CNTN5: variants seen among roughly 807,000 people sequenced by gnomAD.
CNTN5 encodes contactin 5, also known as contactin-5.
Under a neutral mutation model 129.1 loss-of-function variants are expected in CNTN5, and 77 were observed. The observed-to-expected ratio is 0.60, with a 90% CI of 0.50 to 0.72. The LOEUF (loss-of-function observed/expected upper bound fraction) is 0.72, where lower values mean the gene tolerates loss of function less well. CNTN5 is among the 30% of genes least tolerant of loss of function. CNTN5 has a pLI of 0.00. For synonymous variants in CNTN5, 509 were observed against 465.6 expected, an observed-to-expected ratio of 1.09 and a Z score of -1.20; for missense variants, 1,478 against 1,328.8, an observed-to-expected ratio of 1.11 and a Z score of -1.75.
At chr11:99,584,097 T>A (rs540882590) in intron 3 of CNTN5, among the ~76,000 whole-genome samples, 2 of 152,210 alleles carry the variant, frequency 1.3e-5, no homozygotes, top group Non-Finnish European at 2.9e-5. Flanking sequence ...GAGGATGTGA[T>A]TTCTCTACCA....
At position 99,654,379 on chromosome 11, in the gene CNTN5, C is replaced by G. The variant is rs1285680353; in HGVS notation, c.55+98110C>G. Reference sequence around the variant, plus strand: ...ATCAGCTTCTTAAATAGGCCATTGGCATTCTTAGAGGTTTAGCGTGGATGG... The same window carrying G: ...ATCAGCTTCTTAAATAGGCCATTGGGATTCTTAGAGGTTTAGCGTGGATGG... On this transcript the variant is annotated intron_variant, in intron 3 of 24. Transcript: ENST00000524871. Among the ~76,000 whole-genome samples the G allele has an allele frequency of 3.9e-5, 6 of 152,052 alleles. No individual in the cohort carries two copies. The East Asian group carries it at 1.2e-3, about 29-fold the overall frequency.
intron 3 of CNTN5, among the ~76,000 whole-genome samples, chr11:99,588,867 C>A (rs555313066): frequency 1.2e-4 from 18 of 152,174 alleles, no homozygotes; most frequent in African/African-American, 4.1e-4. Context: ...GTTTTTGTAA[C>A]GTGATTAGAG....
chr11:99,134,979 A>G (rs145702939), intron 1 of CNTN5, among the ~76,000 whole-genome samples: 5 of 152,322 alleles, frequency 3.3e-5, no homozygotes, highest in African/African-American at 1.2e-4. Context: ...GACTTTTGTC[A>G]TCTCTTTTTT....
intron 9 of CNTN5, 101 bp downstream of exon 9, chr11:100,002,237 G>T: frequency 1.5e-6 from 1 of 673,682 alleles, no homozygotes; most frequent in Non-Finnish European, 2.3e-6. Context: ...TTCCCCAGTT[G>T]TTCCATGGTG....
At chr11:99,716,950 G>T (rs1251225459) in intron 3 of CNTN5, among the ~76,000 whole-genome samples, 1 of 151,990 alleles carries the variant, frequency 6.6e-6, no homozygotes, top group Non-Finnish European at 1.5e-5. Flanking sequence ...GTATACCAGG[G>T]GAGCAACTAA....
intron 3 of CNTN5, among the ~76,000 whole-genome samples, chr11:99,627,916 A>G (rs1383313197): frequency 2.0e-5 from 3 of 150,004 alleles, no homozygotes; most frequent in Non-Finnish European, 3.0e-5. Context: ...AAAATTGTGT[A>G]TCAGATGGGT....
intron 13 of CNTN5, among the ~76,000 whole-genome samples, chr11:100,170,626 A>G (rs1247484933): frequency 6.6e-6 from 1 of 151,962 alleles, no homozygotes; most frequent in African/African-American, 2.4e-5. Context: ...AAAAGGGATC[A>G]GTGATTATCT....
intron 16 of CNTN5, among the ~76,000 whole-genome samples, chr11:100,249,660 G>A (rs12276705): frequency 0.017 from 2,601 of 152,190 alleles, 72 homozygotes; most frequent in African/African-American, 0.058. Flanking sequence ...TCACTGAGAC[G>A]TTTGCTTATT....
intron 2 of CNTN5, among the ~76,000 whole-genome samples, chr11:99,470,648 C>T (rs944443532): frequency 3.3e-5 from 5 of 151,964 alleles, no homozygotes; most frequent in African/African-American, 7.2e-5. Flanking sequence ...ATAATACACA[C>T]CTAACTTTTT....
intron 3 of CNTN5, among the ~76,000 whole-genome samples, chr11:99,557,752 T>G (rs184472763): frequency 2.0e-5 from 3 of 151,000 alleles, no homozygotes; most frequent in Admixed American, 2.0e-4. Context: ...ACTTATCAGA[T>G]TATGCTCCAA....
chr11:99,919,479 A>G (rs1414644712), intron 7 of CNTN5, among the ~76,000 whole-genome samples: 4 of 152,122 alleles, frequency 2.6e-5, no homozygotes, highest in Non-Finnish European at 5.9e-5. Flanking sequence ...CTTTACAGTA[A>G]AACTTCAAAA....
At chr11:99,568,624 G>T (rs191364909) in intron 3 of CNTN5, among the ~76,000 whole-genome samples, 40 of 152,276 alleles carry the variant, frequency 2.6e-4, no homozygotes, top group African/African-American at 9.1e-4. Flanking sequence ...GCAGACATAA[G>T]TGCGATGCAG....
chr11:99,371,738 A>T (rs1939838273), intron 2 of CNTN5, among the ~76,000 whole-genome samples: 1 of 152,170 alleles, frequency 6.6e-6, no homozygotes, highest in Non-Finnish European at 1.5e-5. Flanking sequence ...GCTATTTTTA[A>T]CTTTCTTTCC....
intron 2 of CNTN5, among the ~76,000 whole-genome samples, chr11:99,442,680 A>C (rs2135154416): frequency 6.6e-6 from 1 of 152,334 alleles, no homozygotes; most frequent in Non-Finnish European, 1.5e-5. Flanking sequence ...GACATATAAA[A>C]CCAGTTTCTT....
At chr11:100,221,438 G>A (rs1336517604) in intron 15 of CNTN5, among the ~76,000 whole-genome samples, 4 of 152,200 alleles carry the variant, frequency 2.6e-5, no homozygotes, top group African/African-American at 9.7e-5. Context: ...GTCTTACGTT[G>A]GATGAGCAGG....
chr11:99,472,359 G>C (rs142319434), intron 2 of CNTN5, among the ~76,000 whole-genome samples: 1 of 151,844 alleles, frequency 6.6e-6, no homozygotes, highest in African/African-American at 2.4e-5. Context: ...TCTCATCTTT[G>C]TACCTTCTTT....
chr11:99,439,575 G>T (rs1430858632), intron 2 of CNTN5, among the ~76,000 whole-genome samples: 1 of 151,814 alleles, frequency 6.6e-6, no homozygotes, highest in Non-Finnish European at 1.5e-5. Context: ...TGGCGTGGTG[G>T]TGTGCACCTG....
chr11:99,189,674 AT>A (rs1206293459), intron 1 of CNTN5, among the ~76,000 whole-genome samples: 3 of 151,818 alleles, frequency 2.0e-5, no homozygotes, highest in Admixed American at 6.6e-5. Context: ...CATTTCTCTG[AT>A]GATTGAACAT....
chr11:99,859,036 G>A lies in CNTN5; in HGVS notation c.577+13774G>A, dbSNP rs1175558564. On this transcript the variant is annotated intron_variant, in intron 6 of 24. Transcript: ENST00000524871. ...TAACCAACTTGCTCAAAGTAGCATA[G>A]TTAAATGGAGATGAAACAAACATTT... 3.3e-5 allele frequency among the ~76,000 whole-genome samples: 5 copies of A among 152,100 alleles called. No homozygotes were observed. The South Asian group carries it at 8.3e-4, about 25-fold the overall frequency.
Sources: allele counts gnomAD v4.1 joint callset (sites outside exome capture counted in the v4.1 genomes callset), GRCh38; gene constraint gnomAD v4.1.1; transcripts MANE v1.5; gene names NCBI Gene and HGNC (gene_info 2026-07-23, HGNC 2026-07-21).